The following ALPK2 variants were observed in gnomAD, a reference collection of about 807,000 sequenced individuals.
ALPK2 encodes the protein alpha-protein kinase 2.
A neutral mutation model predicts 163.1 loss-of-function variants in ALPK2; 127 were observed. The observed-to-expected ratio is 0.78, with a 90% CI of 0.67 to 0.90. ALPK2 has a LOEUF of 0.90. Among genes scored for constraint, ALPK2 ranks in the 40% least tolerant of loss-of-function variants. ALPK2 has a pLI of 0.00. For synonymous variants in ALPK2, 953 were observed against 959.1 expected (o/e 0.99, Z 0.12); for missense variants, 2,360 against 2,589.6 (o/e 0.91, Z 1.92).
At chr18:58,565,697 G>A (rs1267688166) in intron 4 of ALPK2, among the ~76,000 whole-genome samples, 1 of 151,918 alleles carries the variant, frequency 6.6e-6, no homozygotes, top group Non-Finnish European at 1.5e-5. Flanking sequence ...ATTTTAATTT[G>A]ATGTAATCAA....
At position 58,537,570 on chromosome 18, in the gene ALPK2, C is replaced by T. The variant is rs762985522; in HGVS notation, c.2617G>A (p.Val873Met). The T allele has an allele frequency of 4.3e-6, 7 of 1,614,066 alleles. No individual in the cohort carries two copies. In the South Asian group the frequency reaches 6.6e-5, roughly 15 times the overall value. ...FFQTQVSETS[V>M]STCKSSKDGN... is the part of the protein sequence containing the mutation. ...TCCTTGCTGCTTTTGCACGTAGACACTGAAGTCTCAGACACTTGTGTCTGA... is the reference window on the plus strand; with the variant it reads ...TCCTTGCTGCTTTTGCACGTAGACATTGAAGTCTCAGACACTTGTGTCTGA... The change falls in exon 5 of 13, where the codon GTG becomes ATG. Residue 873 changes from valine (V) to methionine (M), a missense_variant. Transcript: ENST00000361673.
At chr18:58,564,123 C>CTTTTTTTTTTTTTTTTTTTTTTTTTT (rs10689097) in intron 4 of ALPK2, among the ~76,000 whole-genome samples, 8 of 102,452 alleles carry the variant, frequency 7.8e-5, no homozygotes, top group Admixed American at 2.4e-4. Flanking sequence ...TGTCTTTGTT[C>CTTTTTTTTTTTTTTTTTTTTTTTTTT]TTTTTTTTTT....
At chr18:58,493,432 C>T (rs1353260192) in intron 12 of ALPK2, among the ~76,000 whole-genome samples, 1 of 152,168 alleles carries the variant, frequency 6.6e-6, no homozygotes, top group African/African-American at 2.4e-5. Context: ...TTTGTTTTGG[C>T]GCTTCCTCTC....
chr18:58,520,868 CAGCT>C (rs1228287937), intron 8 of ALPK2, among the ~76,000 whole-genome samples: 1 of 152,114 alleles, frequency 6.6e-6, no homozygotes, highest in African/African-American at 2.4e-5. Flanking sequence ...TTTTCCAAAT[CAGCT>C]GGGTGCAGTG....
At chr18:58,483,302 A>G (rs1375832475) in intron 12 of ALPK2, among the ~76,000 whole-genome samples, 1 of 152,212 alleles carries the variant, frequency 6.6e-6, no homozygotes, top group East Asian at 1.9e-4. Context: ...AGTAACCTCT[A>G]CAAAACATAA....
In ALPK2 at chr18:58,572,562, G is replaced by T. The variant is rs200643174; in HGVS notation, c.1962+6252C>A. Reference sequence around the variant, plus strand: ...CAGCAATAAGAAGGAATGAACTTTTGATACACACAAGTTGAATGAATCTCC... The same window carrying T: ...CAGCAATAAGAAGGAATGAACTTTTTATACACACAAGTTGAATGAATCTCC... On this transcript the variant is annotated intron_variant, in intron 4 of 12. Transcript: ENST00000361673. 4.6e-5 allele frequency among the ~76,000 whole-genome samples: 7 copies of T among 152,114 alleles called. No individual in the cohort carries two copies. In the East Asian group the frequency reaches 1.4e-3, roughly 29 times the overall value.
chr18:58,597,519 C>A (rs2052046924), intron 3 of ALPK2, among the ~76,000 whole-genome samples: 1 of 152,124 alleles, frequency 6.6e-6, no homozygotes, highest in African/African-American at 2.4e-5. Flanking sequence ...AGCAACCTGC[C>A]CAAGTAAGAG....
chr18:58,598,967 C>T (rs923558324), intron 3 of ALPK2, among the ~76,000 whole-genome samples: 8 of 152,150 alleles, frequency 5.3e-5, no homozygotes, highest in Non-Finnish European at 1.0e-4. Context: ...ACTTTCAGAA[C>T]GTGTCCAACT....
intron 4 of ALPK2, among the ~76,000 whole-genome samples, chr18:58,545,548 A>G (rs1012975906): frequency 6.6e-6 from 1 of 152,150 alleles, no homozygotes; most frequent in Non-Finnish European, 1.5e-5. Flanking sequence ...GGGAAATATG[A>G]GAAGATTGAT....
intron 4 of ALPK2, among the ~76,000 whole-genome samples, chr18:58,572,462 G>C (rs2051890579): frequency 6.6e-6 from 1 of 152,190 alleles, no homozygotes; most frequent in South Asian, 2.1e-4. Flanking sequence ...TTTTAGCCAT[G>C]AGAGCAAAAA....
At position 58,580,512 on chromosome 18, in the gene ALPK2, C is replaced by T. The variant is rs115018482; in HGVS notation, c.264G>A (p.Ser88=). The T allele has an allele frequency of 1.1e-3, 1,776 of 1,613,788 alleles. 13 individuals are homozygous for T. The African/African-American group carries it at 0.018, about 16-fold the overall frequency. ...AGATCATTCCAAAAGAGTTTTTAGC[C>T]GAGATTTGATAGACAGCAGCATCAT... The part of the protein sequence containing the change: ...TKNDAAVYQI[S]AKNSFGMICC... The change falls in exon 4 of 13, where the codon TCG becomes TCA. Residue 88 remains serine (S), a synonymous_variant. Coordinates refer to ENST00000361673, the MANE Select transcript of ALPK2 (RefSeq NM_052947.4).
intron 8 of ALPK2, among the ~76,000 whole-genome samples, chr18:58,521,617 T>C (rs73445140): frequency 0.025 from 2,440 of 99,030 alleles, 102 homozygotes; most frequent in African/African-American, 0.078. Context: ...TTTTCTTTCT[T>C]TCTCTCTCTC....
intron 4 of ALPK2, among the ~76,000 whole-genome samples, chr18:58,552,461 C>G (rs1269261484): frequency 6.6e-6 from 1 of 152,114 alleles, no homozygotes; most frequent in Non-Finnish European, 1.5e-5. Flanking sequence ...AGCACAGAGA[C>G]AGAAATAACT....
At chr18:58,544,697 T>C (rs2051708541) in intron 4 of ALPK2, 1 of 152,188 alleles carries the variant, frequency 6.6e-6, no homozygotes, top group South Asian at 2.1e-4. Flanking sequence ...AAATCAGAGG[T>C]TGTAATCTTA....
intron 12 of ALPK2, among the ~76,000 whole-genome samples, chr18:58,492,097 T>C (rs2051378065): frequency 6.6e-6 from 1 of 152,108 alleles, no homozygotes; most frequent in South Asian, 2.1e-4. Flanking sequence ...CCTCATTGTT[T>C]TCCCACAGGC....
intron 4 of ALPK2, among the ~76,000 whole-genome samples, chr18:58,539,913 T>C (rs1485173826): frequency 4.6e-5 from 7 of 152,218 alleles, no homozygotes; most frequent in Non-Finnish European, 1.0e-4. Flanking sequence ...ATTTTCTCTT[T>C]TAAAGCTACT....
At chr18:58,563,565 G>A (rs929476414) in intron 4 of ALPK2, among the ~76,000 whole-genome samples, 34 of 152,150 alleles carry the variant, frequency 2.2e-4, no homozygotes, top group African/African-American at 8.2e-4. Flanking sequence ...ATAAACAAAT[G>A]GTGTGACCAC....
At chr18:58,581,941 G>A (rs2051960959) in intron 3 of ALPK2, among the ~76,000 whole-genome samples, 1 of 152,142 alleles carries the variant, frequency 6.6e-6, no homozygotes, top group South Asian at 2.1e-4. Flanking sequence ...GGGACCCCTT[G>A]CCTCCACAAT....
chr18:58,536,454 C>T lies in ALPK2; in HGVS notation c.3733G>A (p.Ala1245Thr), dbSNP rs147290810. 26 of 1,613,978 alleles carry T rather than the reference C, an allele frequency of 1.6e-5. No homozygotes were observed. Among genetic ancestry groups the T allele is most frequent in the Admixed American group, 3.3e-5 (2 of 60,012 alleles). ...KLKIITLEAS[A>T]SEIWPPRQLT... is the part of the protein sequence containing the mutation. ...TGTCGTGGTGGCCAGATTTCAGAAG[C>T]GGAAGCCTCTAGAGTTATAATCTTC... The change falls in exon 5 of 13, where the codon GCT (alanine) becomes ACT (threonine). Residue 1245 changes from alanine to threonine, a missense_variant. By Grantham distance (58) the Ala-to-Thr change is moderately conservative. Transcript: ENST00000361673.
Sources: allele counts gnomAD v4.1 joint callset (sites outside exome capture counted in the v4.1 genomes callset), GRCh38; gene constraint gnomAD v4.1.1; transcripts MANE v1.5; gene names NCBI Gene and HGNC (gene_info 2026-07-23, HGNC 2026-07-21).